PCDHGB6: variants seen among roughly 807,000 people sequenced by gnomAD.
PCDHGB6 encodes the protein protocadherin gamma-B6.
In PCDHGB6, 51 loss-of-function variants were observed where a neutral mutation model predicts 59.1. The ratio of observed to expected loss-of-function variants is 0.86; its 90% CI spans 0.69 to 1.09. The LOEUF (loss-of-function observed/expected upper bound fraction) is 1.09, where lower values mean the gene tolerates loss of function less well. Among genes scored for constraint, PCDHGB6 ranks in the 50% least tolerant of loss-of-function variants. The pLI, the probability that PCDHGB6 is intolerant of heterozygous loss-of-function variation, is 0.00. For missense variants in PCDHGB6, 1,148 were observed against 1,205.1 expected (o/e 0.95, Z 0.70); for synonymous variants, 466 against 495.1 (o/e 0.94, Z 0.78).
chr5:141,450,734 G>A (rs1365470415), intron 1 of PCDHGB6, among the ~76,000 whole-genome samples: 6 of 151,868 alleles, frequency 4.0e-5, no homozygotes, highest in South Asian at 2.1e-4. Context: ...TGATCCGCCC[G>A]CCTTGGCCTC....
chr5:141,425,530 A>G (rs1485711838), intron 1 of PCDHGB6, among the ~76,000 whole-genome samples: 1 of 152,246 alleles, frequency 6.6e-6, no homozygotes, highest in Non-Finnish European at 1.5e-5. Flanking sequence ...ACATGAAACA[A>G]TAATCCTTTT....
In PCDHGB6 at chr5:141,447,883, C is replaced by T. The variant is rs184337553; in HGVS notation, c.2418+37263C>T. Among the ~76,000 whole-genome samples the T allele has an allele frequency of 3.9e-3, 599 of 152,000 alleles. 3 individuals are homozygous for T. The highest frequency in any genetic ancestry group is 0.014 in the African/African-American group (563 of 41,452). ...GGTGAATCATCTGAGGTCAGGAGTT[C>T]GAGACCAGCCTGGCCAACATGGTGA... On this transcript the variant is annotated intron_variant, in intron 1 of 3. Coordinates refer to ENST00000520790, the MANE Select transcript of PCDHGB6 (RefSeq NM_018926.3).
intron 1 of PCDHGB6, chr5:141,426,612 G>A (rs2096947310): frequency 2.6e-6 from 1 of 384,602 alleles, no homozygotes; most frequent in Non-Finnish European, 5.3e-6. Flanking sequence ...GATTGTAGCA[G>A]AGAATCCTCT....
At chr5:141,414,458 C>T (rs2095749873) in intron 1 of PCDHGB6, 9 of 1,613,698 alleles carry the variant, frequency 5.6e-6, no homozygotes, top group Non-Finnish European at 6.8e-6. Flanking sequence ...ACAGTGACAG[C>T]CACAGATGGG....
chr5:141,481,901 G>A (rs1297925755), intron 1 of PCDHGB6, among the ~76,000 whole-genome samples: 2 of 125,298 alleles, frequency 1.6e-5, no homozygotes, highest in Non-Finnish European at 3.2e-5. Context: ...GTGAAAGAGC[G>A]AAACTCCATC....
chr5:141,417,683 A>AAG lies in PCDHGB6; in HGVS notation c.2418+7064_2418+7065insGA, dbSNP rs201105096. 3.0e-3 allele frequency: 3,154 copies of AAG among 1,038,272 alleles called. 110 individuals carry two copies. In the East Asian group the frequency reaches 0.071, roughly 24 times the overall value. The allele number at this position is 1,038,272 out of a possible 1,614,324, so 64.3% of individuals were successfully genotyped here. The stretch of plus-strand genomic sequence containing the variant: ...GATTCCCTGCGCAGCCAACAACAGA[A>AAG]AAGAAAACCAGCTCCCACACAGAGG... On this transcript the variant is annotated intron_variant, in intron 1 of 3. Transcript: ENST00000520790.
chr5:141,417,905 G>A (rs1462731893), intron 1 of PCDHGB6: 1 of 1,593,646 alleles, frequency 6.3e-7, no homozygotes, highest in Admixed American at 1.8e-5. Flanking sequence ...CCCGCGGCAG[G>A]TACTATTTCC....
At chr5:141,498,947 AAAAG>A (rs1475471777) in intron 2 of PCDHGB6, among the ~76,000 whole-genome samples, 1 of 145,446 alleles carries the variant, frequency 6.9e-6, no homozygotes, top group African/African-American at 2.6e-5. Context: ...GAAAGAAAGA[AAAAG>A]AGAGAGAGGG....
intron 1 of PCDHGB6, chr5:141,433,042 G>A (rs752612411): frequency 6.2e-6 from 10 of 1,614,142 alleles, no homozygotes; most frequent in Non-Finnish European, 7.6e-6. Flanking sequence ...CCCTCACCAC[G>A]GACTCGCGGA....
Position 141,409,840 on chromosome 5 carries a change from G to A in PCDHGB6, c.1638G>A (p.Val546=), listed in dbSNP as rs1361942011. The stretch of plus-strand genomic sequence containing the variant: ...GCTCGCCCACGCTCAGCGCCAACGT[G>A]AGCCTGCGCGTGTTGGTGGGAGACC... ...DHGSPTLSAN[V]SLRVLVGDRN... Residue 546 remains valine (V), a synonymous_variant, in exon 1 of 4, where the codon GTG becomes GTA. Transcript: ENST00000520790. 3 of 1,611,558 alleles carry A rather than the reference G, an allele frequency of 1.9e-6. No homozygotes were observed. Among genetic ancestry groups the A allele is most frequent in the African/African-American group, 1.3e-5 (1 of 74,892 alleles).
At chr5:141,496,733 C>T (rs1221912777) in intron 2 of PCDHGB6, among the ~76,000 whole-genome samples, 12 of 152,138 alleles carry the variant, frequency 7.9e-5, no homozygotes, top group African/African-American at 9.7e-5. Context: ...TGTATTCATT[C>T]GTTCATTTAT....
At chr5:141,482,442 C>A (rs942933015) in intron 1 of PCDHGB6, among the ~76,000 whole-genome samples, 23 of 147,678 alleles carry the variant, frequency 1.6e-4, no homozygotes, top group African/African-American at 5.6e-4. Context: ...CTGATATTCA[C>A]CATTTATTAG....
Position 141,448,649 on chromosome 5 carries a change from T to C in PCDHGB6, c.2418+38029T>C, listed in dbSNP as rs181402439. 1.4e-3 allele frequency among the ~76,000 whole-genome samples: 218 copies of C among 152,220 alleles called. 1 individual carries two copies. Among genetic ancestry groups the C allele is most frequent in the African/African-American group, 5.0e-3 (206 of 41,530 alleles). On this transcript the variant is annotated intron_variant, in intron 1 of 3. Transcript: ENST00000520790. ...CTTCACATTATATCCTTTAAAAATA[T>C]TTCCATATTGGCCGGGCGCGGTGGC...
At position 141,477,379 on chromosome 5, in the gene PCDHGB6, A is replaced by T; in HGVS notation, c.2419-17428A>T. Reference sequence around the variant, plus strand: ...CAGACCTGGATCGGGAGACTGTGCCAGAATACAACCTCAGCATCACCGCCC... The same window carrying T: ...CAGACCTGGATCGGGAGACTGTGCCTGAATACAACCTCAGCATCACCGCCC... On this transcript the variant is annotated intron_variant, in intron 1 of 3. Transcript: ENST00000520790. The surrounding 1 kb of genome is among the most constrained non-coding windows in gnomAD (Gnocchi z 4.9). 1.2e-6 allele frequency: 2 copies of T among 1,614,184 alleles called. No individual in the cohort carries two copies. The highest frequency in any genetic ancestry group is 1.7e-6 in the Non-Finnish European group (2 of 1,180,034).
In PCDHGB6 at chr5:141,477,491, C is replaced by T; in HGVS notation, c.2419-17316C>T. 1 of 1,614,154 alleles carries T rather than the reference C, an allele frequency of 6.2e-7. No homozygotes were observed. The highest frequency in any genetic ancestry group is 8.5e-7 in the Non-Finnish European group (1 of 1,180,022). On this transcript the variant is annotated intron_variant, in intron 1 of 3. Coordinates refer to ENST00000520790, the MANE Select transcript of PCDHGB6 (RefSeq NM_018926.3). The surrounding 1 kb of genome is among the most constrained non-coding windows in gnomAD (Gnocchi z 4.9). ...CAATGACAACCCTCCACAATCTTCT[C>T]AATCTTCCTACGACGTTTACATTGA...
rs367578838 is a variant in PCDHGB6, at chr5:141,432,537, C to A, written c.2418+21917C>A. The A allele has an allele frequency of 5.0e-6, 8 of 1,613,882 alleles. No individual in the cohort carries two copies. Among genetic ancestry groups the A allele is most frequent in the African/African-American group, 1.3e-5 (1 of 74,922 alleles). Reference sequence around the variant, plus strand: ...GGCTACCTGGTGACCAAGGTGGTGGCGGTGGACAGAGACTCCGGCCAGAAC... The same window carrying A: ...GGCTACCTGGTGACCAAGGTGGTGGAGGTGGACAGAGACTCCGGCCAGAAC... On this transcript the variant is annotated intron_variant, in intron 1 of 3. Coordinates refer to ENST00000520790, the MANE Select transcript of PCDHGB6 (RefSeq NM_018926.3). This position sits in a 1 kb window ranked among gnomAD's most constrained non-coding sequence, Gnocchi z 6.0.
chr5:141,448,956 C>A (rs2098619571), intron 1 of PCDHGB6, among the ~76,000 whole-genome samples: 1 of 151,948 alleles, frequency 6.6e-6, no homozygotes, highest in Non-Finnish European at 1.5e-5. Context: ...AAAAAACAAA[C>A]AAACAAACAA....
intron 1 of PCDHGB6, among the ~76,000 whole-genome samples, chr5:141,437,499 CA>C (rs2097890101): frequency 6.6e-6 from 1 of 152,076 alleles, no homozygotes; most frequent in African/African-American, 2.4e-5. Context: ...GATCACTTTT[CA>C]ATGAATTATA....
chr5:141,431,685 A>C lies in PCDHGB6; in HGVS notation c.2418+21065A>C. The C allele has an allele frequency of 6.2e-7, 1 of 1,614,246 alleles. No homozygotes were observed. Among genetic ancestry groups the C allele is most frequent in the East Asian group, 2.2e-5 (1 of 44,876 alleles). ...ATATCAACAATAGGGGAGTTGGACCACGAGGAGTCAGGATTCTACCAGATG... is the reference window on the plus strand; with the variant it reads ...ATATCAACAATAGGGGAGTTGGACCCCGAGGAGTCAGGATTCTACCAGATG... On this transcript the variant is annotated intron_variant, in intron 1 of 3. Transcript: ENST00000520790. This position sits in a 1 kb window ranked among gnomAD's most constrained non-coding sequence, Gnocchi z 4.8.
Sources: allele counts gnomAD v4.1 joint callset (sites outside exome capture counted in the v4.1 genomes callset), GRCh38; gene constraint gnomAD v4.1.1; non-coding constraint Gnocchi (gnomAD v3.1); transcripts MANE v1.5; gene names NCBI Gene and HGNC (gene_info 2026-07-23, HGNC 2026-07-21).